MBD5: variants seen among roughly 807,000 people sequenced by gnomAD.
The protein encoded by MBD5 is methyl-CpG binding domain protein 5.
A neutral mutation model predicts 117.3 loss-of-function variants in MBD5; 13 were observed. The observed-to-expected ratio is 0.11, with a 90% CI of 0.07 to 0.18. MBD5 has a LOEUF of 0.18. MBD5 is among the 10% of genes least tolerant of loss of function. The pLI is 1.00. For synonymous variants in MBD5, 727 were observed against 766.4 expected, an observed-to-expected ratio of 0.95 and a Z score of 0.85; for missense variants, 1,879 against 2,093.8, an observed-to-expected ratio of 0.90 and a Z score of 2.00.
intron 1 of MBD5, among the ~76,000 whole-genome samples, chr2:148,077,370 G>T (rs956174829): frequency 2.6e-5 from 4 of 152,162 alleles, no homozygotes; most frequent in African/African-American, 9.7e-5. Flanking sequence ...GTAGCTGTGA[G>T]ATGGCCAGAC....
At chr2:148,220,276 G>T (rs1699653327) in intron 2 of MBD5, among the ~76,000 whole-genome samples, 1 of 152,118 alleles carries the variant, frequency 6.6e-6, no homozygotes. Context: ...TGTAGGACAA[G>T]ATTTACTTAA....
intron 4 of MBD5, among the ~76,000 whole-genome samples, chr2:148,407,157 C>T (rs1018949279): frequency 1.3e-5 from 2 of 152,056 alleles, no homozygotes; most frequent in Non-Finnish European, 2.9e-5. Flanking sequence ...TCAGTATGAA[C>T]CAATAACTCT....
At chr2:148,257,573 C>A (rs766020429) in intron 3 of MBD5, among the ~76,000 whole-genome samples, 1 of 152,226 alleles carries the variant, frequency 6.6e-6, no homozygotes, top group Non-Finnish European at 1.5e-5. Flanking sequence ...CAACTGCATG[C>A]TGCCAAATGT....
Position 148,510,142 on chromosome 2 carries a change from T to G in MBD5, c.5112+7T>G. ...GGACAAAATGTCTGGGACTGTAAGT[T>G]AATTTATTTTTCCATTATACTACGT... On this transcript the variant is annotated splice_region_variant and intron_variant, in intron 13 of 13. Coordinates refer to ENST00000642680, the MANE Select transcript of MBD5 (RefSeq NM_001378120.1). The G allele has an allele frequency of 6.3e-7, 1 of 1,594,372 alleles. No homozygotes were observed. Among genetic ancestry groups the G allele is most frequent in the Non-Finnish European group, 8.6e-7 (1 of 1,162,362 alleles).
At chr2:148,138,387 A>C (rs962799499) in intron 1 of MBD5, among the ~76,000 whole-genome samples, 3 of 152,212 alleles carry the variant, frequency 2.0e-5, no homozygotes, top group Non-Finnish European at 4.4e-5. Flanking sequence ...CTTAAATTTC[A>C]ATTAGAATAT....
intron 8 of MBD5, chr2:148,470,673 T>C: frequency 1.9e-6 from 1 of 539,218 alleles, no homozygotes; most frequent in South Asian, 3.1e-5. Context: ...TGTGTTTCCA[T>C]TATTTGTTGT....
chr2:148,386,305 A>C (rs1347194612), intron 4 of MBD5, among the ~76,000 whole-genome samples: 2 of 152,206 alleles, frequency 1.3e-5, no homozygotes, highest in Non-Finnish European at 2.9e-5. Flanking sequence ...AAAGACCATA[A>C]AATTGACAAA....
chr2:148,144,638 A>G (rs896280160), intron 1 of MBD5, among the ~76,000 whole-genome samples: 1 of 152,228 alleles, frequency 6.6e-6, no homozygotes, highest in Non-Finnish European at 1.5e-5. Flanking sequence ...GGTGTAAGGA[A>G]GGGATCCAGT....
At chr2:148,116,931 A>G (rs1696654053) in intron 1 of MBD5, among the ~76,000 whole-genome samples, 1 of 152,142 alleles carries the variant, frequency 6.6e-6, no homozygotes, top group African/African-American at 2.4e-5. Flanking sequence ...TTAACTACTG[A>G]TTAAGTGTAT....
Position 148,179,354 on chromosome 2 carries a change from C to CAAA in MBD5, c.-831+575_-831+577dup, listed in dbSNP as rs762312262. ...TGGGTGACAGAGCGAGACTCTGTCT[C>CAAA]AAAAAAAAAAAAAAAAGTAACTTCT... On this transcript the variant is annotated intron_variant, in intron 2 of 13. Transcript: ENST00000642680. 8.5e-5 allele frequency among the ~76,000 whole-genome samples: 6 copies of CAAA among 70,954 alleles called. 1 individual carries two copies. The highest frequency in any genetic ancestry group is 2.8e-4 in the African/African-American group (6 of 21,060). 46.5% of individuals were successfully genotyped at this position (70,954 alleles called of 152,430 possible).
intron 3 of MBD5, among the ~76,000 whole-genome samples, chr2:148,287,778 C>A (rs1439680798): frequency 2.0e-5 from 3 of 152,112 alleles, no homozygotes; most frequent in Non-Finnish European, 4.4e-5. Flanking sequence ...TTATAACAAA[C>A]TCACTCTCAC....
intron 3 of MBD5, among the ~76,000 whole-genome samples, chr2:148,270,891 T>G (rs965511266): frequency 2.0e-5 from 3 of 152,190 alleles, no homozygotes; most frequent in African/African-American, 7.2e-5. Flanking sequence ...TTTCTGAAAT[T>G]TTTTAATTCC....
chr2:148,158,815 G>A (rs1172753866), intron 1 of MBD5, among the ~76,000 whole-genome samples: 1 of 152,202 alleles, frequency 6.6e-6, no homozygotes, highest in Non-Finnish European at 1.5e-5. Flanking sequence ...CGCCTCCCGG[G>A]TTCAAGTCAT....
chr2:148,076,785 A>T (rs971555682), intron 1 of MBD5, among the ~76,000 whole-genome samples: 2 of 152,230 alleles, frequency 1.3e-5, no homozygotes, highest in African/African-American at 4.8e-5. Context: ...ACTGCTATGT[A>T]CAAGTTACTG....
In MBD5 at chr2:148,490,025, A is replaced by G; in HGVS notation, c.4393A>G (p.Asn1465Asp). 6.2e-7 allele frequency: 1 copy of G among 1,614,068 alleles called. No homozygotes were observed. Among genetic ancestry groups the G allele is most frequent in the Non-Finnish European group, 8.5e-7 (1 of 1,180,022 alleles). The change falls in exon 11 of 14, where the codon AAC becomes GAC. Residue 1465 changes from asparagine to aspartate, a missense_variant. Asn to Asp is a conservative substitution (Grantham distance 23). Around this residue, in one of 4 missense-constraint regions of MBD5, gnomAD observed 1,666 missense variants for 1,792.2 expected, o/e 0.93. Transcript: ENST00000642680. ...CAGTAGTCCTTGTCATGAAAGGCCC[A>G]ACAATGTCTCTACACTGCCATTTCT... ...IHSSPCHERP[N>D]NVSTLPFLPG...
At chr2:148,269,774 T>G (rs7578733) in intron 3 of MBD5, among the ~76,000 whole-genome samples, 139,194 of 150,416 alleles carry the variant, frequency 0.93, 65,020 homozygotes, top group South Asian at 0.99. Flanking sequence ...TTATATCTAC[T>G]GTTATTTTTT....
At chr2:148,499,536 T>C (rs1681810023) in intron 11 of MBD5, among the ~76,000 whole-genome samples, 4 of 152,194 alleles carry the variant, frequency 2.6e-5, no homozygotes, top group Admixed American at 1.3e-4. Context: ...GTTAAATAAT[T>C]CATGAAACTC....
chr2:148,459,074 T>C (rs968945664), intron 5 of MBD5, among the ~76,000 whole-genome samples: 1 of 152,092 alleles, frequency 6.6e-6, no homozygotes, highest in Non-Finnish European at 1.5e-5. Context: ...ATTCTGCTTA[T>C]CTCTGTAACA....
At chr2:148,425,977 A>T (rs866877708) in intron 4 of MBD5, among the ~76,000 whole-genome samples, 4 of 152,208 alleles carry the variant, frequency 2.6e-5, no homozygotes, top group Non-Finnish European at 4.4e-5. Context: ...ATCAATGTGC[A>T]AAAATCACAA....
Sources: gnomAD v4.1 joint callset for allele counts (sites outside exome capture counted in the v4.1 genomes callset) on GRCh38, gnomAD v4.1.1 for gene constraint, gnomAD v4.1.1 regional missense constraint, MANE v1.5 for transcripts, NCBI Gene and HGNC (gene_info 2026-07-23, HGNC 2026-07-21) for gene names.